Variants in ZC4H2 observed in about 807,000 individuals in gnomAD.
ZC4H2 encodes the protein zinc finger C4H2-type containing, also known as zinc finger C4H2 domain-containing protein.
For missense variants in ZC4H2, 137 were observed against 173.9 expected, an observed-to-expected ratio of 0.79 and a Z score of 1.19; for synonymous variants, 84 against 66.3, an observed-to-expected ratio of 1.27 and a Z score of -1.30.
chrX:65,005,172 A>G (rs1196598381), intron 1 of ZC4H2, among the ~76,000 whole-genome samples: 1 of 112,080 alleles, frequency 8.9e-6, no homozygotes, highest in Non-Finnish European at 1.9e-5. Context: ...TTATTTATAG[A>G]TTCAATGCTA....
chrX:64,939,670 A>T (rs1226180718), intron 1 of ZC4H2, among the ~76,000 whole-genome samples: 1 of 111,890 alleles, frequency 8.9e-6, no homozygotes, highest in Non-Finnish European at 1.9e-5. Context: ...TGACACAAAC[A>T]AGCAATGGGG....
rs776232892 is a variant in ZC4H2, at chrX:65,018,948, G to A, written c.-272+15681C>T. On this transcript the variant is annotated intron_variant, in intron 1 of 4. Transcript: ENST00000337990. The stretch of plus-strand genomic sequence containing the variant: ...TTTGAACTGGATGGAGCCCACCTCA[G>A]CTCAGCAAGGCCACTGCGGCCAGAA... Among the ~76,000 whole-genome samples, 3 of 111,718 alleles carry A rather than the reference G, an allele frequency of 2.7e-5. No individual in the cohort carries two copies. The East Asian group carries it at 8.6e-4, about 32-fold the overall frequency.
chrX:64,922,280 AAAAG>A, intron 1 of ZC4H2: 3 of 240,561 alleles, frequency 1.2e-5, no homozygotes, highest in Admixed American at 7.0e-5. Flanking sequence ...AAAGAAAAAA[AAAAG>A]AAAAAGAAAA....
chrX:65,019,771 G>A (rs1932822897), intron 1 of ZC4H2, among the ~76,000 whole-genome samples: 1 of 111,955 alleles, frequency 8.9e-6, no homozygotes, highest in South Asian at 3.7e-4. Context: ...CCCAATGCAA[G>A]GAAGCTAAGA....
chrX:65,012,224 C>CAAAAAAAAAAAAAAAAAAAAAAAAAAA (rs10606871), intron 1 of ZC4H2, among the ~76,000 whole-genome samples: 3 of 25,324 alleles, frequency 1.2e-4, no homozygotes, highest in East Asian at 1.3e-3. Context: ...GACCCCGTCT[C>CAAAAAAAAAAAAAAAAAAAAAAAAAAA]AAAAAAAAAA....
At chrX:65,012,177 G>A (rs768305325) in intron 1 of ZC4H2, among the ~76,000 whole-genome samples, 1 of 88,836 alleles carries the variant, frequency 1.1e-5, no homozygotes, top group South Asian at 6.9e-4. Context: ...GCGGTGAACC[G>A]AGATTGTGCC....
At chrX:64,925,145 C>T (rs774403119) in intron 1 of ZC4H2, among the ~76,000 whole-genome samples, 2 of 111,954 alleles carry the variant, frequency 1.8e-5, no homozygotes, top group Admixed American at 1.9e-4. Flanking sequence ...AACTCTTCCA[C>T]CATGGATATC....
chrX:65,005,408 G>A (rs1932635092), intron 1 of ZC4H2, among the ~76,000 whole-genome samples: 2 of 111,058 alleles, frequency 1.8e-5, no homozygotes, highest in South Asian at 7.6e-4. Context: ...ACAGAACAGA[G>A]GCCTCAGAAA....
chrX:64,934,357 G>C (rs1929893763), intron 1 of ZC4H2, among the ~76,000 whole-genome samples: 1 of 112,274 alleles, frequency 8.9e-6, no homozygotes, highest in African/African-American at 3.2e-5. Context: ...AGTGACATAG[G>C]GTTATTCAAA....
At chrX:64,927,046 G>A (rs1162807699) in intron 1 of ZC4H2, among the ~76,000 whole-genome samples, 1 of 111,652 alleles carries the variant, frequency 9.0e-6, no homozygotes, top group Admixed American at 9.5e-5. Flanking sequence ...TTTCTCCCAC[G>A]CAGTAGCTTG....
At chrX:64,952,753 TTA>T (rs1408603502) in intron 1 of ZC4H2, among the ~76,000 whole-genome samples, 25 of 109,945 alleles carry the variant, frequency 2.3e-4, no homozygotes, top group African/African-American at 8.3e-4. Context: ...CCAAGGTAAT[TTA>T]TAGATTCAAT....
chrX:64,942,240 T>A (rs923211912), intron 1 of ZC4H2, among the ~76,000 whole-genome samples: 1 of 111,670 alleles, frequency 9.0e-6, no homozygotes, highest in South Asian at 3.7e-4. Context: ...AGTGTTGATA[T>A]CCCCTTTATC....
In ZC4H2 at chrX:65,009,036, C is replaced by T. The variant is rs1224254418; in HGVS notation, c.-272+25593G>A. 2.7e-5 allele frequency among the ~76,000 whole-genome samples: 3 copies of T among 111,583 alleles called. No individual in the cohort carries two copies. In the East Asian group the frequency reaches 8.4e-4, roughly 31 times the overall value. ...GACACCACAATTGCCCTGACTTGAC[C>T]ATTACACATTTTACGATAGTATTAA... On this transcript the variant is annotated intron_variant, in intron 1 of 4. Coordinates refer to the ZC4H2 transcript ENST00000337990.
chrX:64,918,109 C>T, intron 4 of ZC4H2: 1 of 375,996 alleles, frequency 2.7e-6, no homozygotes, highest in Non-Finnish European at 4.4e-6. Flanking sequence ...AAAAAGTATA[C>T]AAAACTAGAA....
chrX:65,019,896 G>A (rs1274176865), intron 1 of ZC4H2, among the ~76,000 whole-genome samples: 1 of 112,011 alleles, frequency 8.9e-6, no homozygotes, highest in Non-Finnish European at 1.9e-5. Context: ...GCATACACAA[G>A]TATCAACAGC....
At chrX:64,987,466 T>G (rs1235206593) in intron 1 of ZC4H2, among the ~76,000 whole-genome samples, 1 of 84,573 alleles carries the variant, frequency 1.2e-5, no homozygotes, top group African/African-American at 8.7e-5. Context: ...TTTGCTGGGT[T>G]TTTTTTTTTT....
At chrX:64,999,870 G>A (rs979077714) in intron 1 of ZC4H2, among the ~76,000 whole-genome samples, 4 of 112,188 alleles carry the variant, frequency 3.6e-5, no homozygotes, top group Non-Finnish European at 7.5e-5. Flanking sequence ...CAAAGCCTCC[G>A]TAGCAAGACT....
At position 64,919,126 on chromosome X, in the gene ZC4H2, G is replaced by A. The variant is rs147190055; in HGVS notation, c.477C>T (p.Ala159=). ...CCACTTGGAGCTGTTGGGCGGCAGC[G>A]GCTGCAGCGGCCAGGGACTCAGGGA... is the stretch of plus-strand genomic sequence containing the variant. ...PPIPESLAAA[A]AAAQQLQVAR... is the part of the protein sequence containing the mutation. The change falls in exon 4 of 5, where the codon GCC becomes GCT. Residue 159 remains alanine, a synonymous_variant. Coordinates refer to ENST00000374839, the MANE Select transcript of ZC4H2 (RefSeq NM_018684.4). 13 of 1,203,750 alleles carry A rather than the reference G, an allele frequency of 1.1e-5. No individual in the cohort carries two copies. Among genetic ancestry groups the A allele is most frequent in the African/African-American group, 7.0e-5 (4 of 57,070 alleles).
intron 1 of ZC4H2, among the ~76,000 whole-genome samples, chrX:64,948,145 T>C (rs1227936790): frequency 9.0e-6 from 1 of 111,159 alleles, no homozygotes; most frequent in Admixed American, 9.6e-5. Context: ...CTCTTTTGGG[T>C]TTTGGAGCTT....
Sources: gnomAD v4.1 joint callset for allele counts (sites outside exome capture counted in the v4.1 genomes callset) on GRCh38, gnomAD v4.1.1 for gene constraint, MANE v1.5 for transcripts, NCBI Gene and HGNC (gene_info 2026-07-23, HGNC 2026-07-21) for gene names.